EBF4: variants seen among roughly 807,000 people sequenced by gnomAD.
EBF4 encodes the protein EBF transcription factor 4.
In EBF4, 34 loss-of-function variants were observed where a neutral mutation model predicts 67.1. The observed-to-expected ratio is 0.51, with a 90% CI of 0.39 to 0.67. EBF4 has a LOEUF of 0.67. EBF4 is among the 30% of genes least tolerant of loss of function. EBF4 has a pLI of 0.00. For missense variants in EBF4, 837 were observed against 873.3 expected, an observed-to-expected ratio of 0.96 and a Z score of 0.52; for synonymous variants, 387 against 377.7, an observed-to-expected ratio of 1.02 and a Z score of -0.29.
rs1466418426 is a variant in EBF4 at position 2,749,658 on chromosome 20, G to A, written c.796G>A (p.Gly266Ser). 1.3e-6 allele frequency: 2 copies of A among 1,567,452 alleles called. No individual in the cohort carries two copies. The highest frequency in any genetic ancestry group is 1.7e-6 in the Non-Finnish European group (2 of 1,156,944). ...CATCAAGGCCATCAGCCCCGGGGAG[G>A]GCTGGACCACGGGCGGCGCCACCGT... Residue 266 changes from glycine to serine, a missense_variant, in exon 9 of 17, where the codon GGC (glycine) becomes AGC (serine). This residue lies in a region of EBF4 where 525 missense variants were observed against 496.5 expected (regional missense o/e 1.06). Coordinates refer to ENST00000609451, the Ensembl canonical transcript of EBF4.
chr20:2,740,764 C>T (rs986060886), intron 6 of EBF4, among the ~76,000 whole-genome samples: 1 of 151,950 alleles, frequency 6.6e-6, no homozygotes, highest in African/African-American at 2.4e-5. Context: ...GAGGTGGTCT[C>T]GGTCGGAGTC....
At chr20:2,743,516 T>C (rs1285653019) in intron 6 of EBF4, among the ~76,000 whole-genome samples, 3 of 152,214 alleles carry the variant, frequency 2.0e-5, no homozygotes, top group African/African-American at 4.8e-5. Flanking sequence ...CTATAACTTA[T>C]TGATGAGGGA....
At chr20:2,701,741 G>T (rs148100310) in intron 1 of EBF4, among the ~76,000 whole-genome samples, 3 of 152,208 alleles carry the variant, frequency 2.0e-5, no homozygotes, top group African/African-American at 7.2e-5. Context: ...GAGCCTTCCA[G>T]GCCCCTTCGC....
intron 1 of EBF4, among the ~76,000 whole-genome samples, chr20:2,703,669 A>G (rs1374937812): frequency 6.6e-6 from 1 of 152,110 alleles, no homozygotes; most frequent in East Asian, 1.9e-4. Flanking sequence ...CCTTGAAGAA[A>G]AAAAGGCGGG....
chr20:2,709,871 TC>T (rs1361532408), intron 6 of EBF4, among the ~76,000 whole-genome samples: 4 of 127,096 alleles, frequency 3.1e-5, no homozygotes, highest in Non-Finnish European at 4.8e-5. Context: ...TTTCCCCGAC[TC>T]CCTGAGAGAA....
intron 6 of EBF4, among the ~76,000 whole-genome samples, chr20:2,740,070 T>A (rs1330304432): frequency 6.6e-6 from 1 of 152,242 alleles, no homozygotes; most frequent in Non-Finnish European, 1.5e-5. Context: ...TCCAGCACTT[T>A]GGGAGGCCAA....
intron 1 of EBF4, among the ~76,000 whole-genome samples, chr20:2,704,250 C>A (rs1214806546): frequency 1.3e-5 from 2 of 152,094 alleles, no homozygotes; most frequent in Middle Eastern, 3.2e-3. Flanking sequence ...ATGCAGAGCA[C>A]CAGCCCTAGC....
intron 1 of EBF4, among the ~76,000 whole-genome samples, chr20:2,700,358 T>C (rs2146369743): frequency 6.6e-6 from 1 of 152,308 alleles, no homozygotes; most frequent in Admixed American, 6.5e-5. Flanking sequence ...CTCTCCAGGC[T>C]TCAGAGGCTC....
chr20:2,755,731 G>A lies in EBF4; in HGVS notation c.1645G>A (p.Ala549Thr), dbSNP rs2088232712. The stretch of plus-strand genomic sequence containing the variant: ...CTTCTCGCCTGTCAACATGATCTCC[G>A]CCGTCAAACAGAGGAGCGCCTTCGC... The change falls in exon 15 of 17, where the codon GCC (alanine) becomes ACC (threonine). Residue 549 changes from alanine (A) to threonine (T), a missense_variant. Ala to Thr is a moderately conservative substitution (Grantham distance 58, BLOSUM62 0). Coordinates refer to ENST00000609451, the Ensembl canonical transcript of EBF4. The surrounding 1 kb of genome is among the most constrained non-coding windows in gnomAD (Gnocchi z 4.7). The A allele has an allele frequency of 3.9e-6, 6 of 1,550,510 alleles. No homozygotes were observed. Among genetic ancestry groups the A allele is most frequent in the South Asian group, 1.2e-5 (1 of 84,044 alleles).
chr20:2,693,066 GGCT>G (rs1394355074), upstream of EBF4: 4 of 156,072 alleles, frequency 2.6e-5, no homozygotes, highest in South Asian at 3.4e-4. The surrounding 1 kb of genome is among the most constrained non-coding windows in gnomAD (Gnocchi z 4.6). Context: ...CGGGACGCGC[GGCT>G]GCTGCTGCTC....
rs57405059 is a variant in EBF4, at chr20:2,747,317, C to CAAAA, written c.558-1222_558-1219dup. 7.1e-5 allele frequency among the ~76,000 whole-genome samples: 9 copies of CAAAA among 127,396 alleles called. No homozygotes were observed. The highest frequency in any genetic ancestry group is 2.5e-4 in the South Asian group (1 of 4,014). 83.6% of individuals were successfully genotyped at this position (127,396 alleles called of 152,430 possible). ...GTCTCAAAACAAAAAACAAAACAAACAAAAAAAAAAAAACAGGAAAAAAAA... is the reference window on the plus strand; with the variant it reads ...GTCTCAAAACAAAAAACAAAACAAACAAAAAAAAAAAAAAAAACAGGAAAAAAAA... On this transcript the variant is annotated intron_variant, in intron 6 of 16. Transcript: ENST00000609451. The surrounding 1 kb of genome is among the most constrained non-coding windows in gnomAD (Gnocchi z 4.6).
chr20:2,706,981 A>C (rs1190956971), intron 4 of EBF4, among the ~76,000 whole-genome samples: 1 of 152,220 alleles, frequency 6.6e-6, no homozygotes, highest in Non-Finnish European at 1.5e-5. Context: ...TTCTGCCAAC[A>C]CAGGGCCCCA....
intron 6 of EBF4, among the ~76,000 whole-genome samples, chr20:2,716,881 T>C (rs952695271): frequency 1.3e-5 from 2 of 152,218 alleles, no homozygotes. Flanking sequence ...ACTATATCTG[T>C]ATAATACCAA....
intron 6 of EBF4, among the ~76,000 whole-genome samples, chr20:2,714,775 T>C (rs927619389): frequency 1.3e-5 from 2 of 152,244 alleles, no homozygotes; most frequent in Non-Finnish European, 2.9e-5. Flanking sequence ...ACTTTGCCTA[T>C]GGTGAAATTT....
intron 6 of EBF4, among the ~76,000 whole-genome samples, chr20:2,738,364 C>T (rs1454447091): frequency 6.6e-6 from 1 of 152,158 alleles, no homozygotes. Context: ...CTTCTGCTGC[C>T]GTCCATGCCC....
At chr20:2,737,143 G>T (rs374957346) in intron 6 of EBF4, among the ~76,000 whole-genome samples, 2 of 151,676 alleles carry the variant, frequency 1.3e-5, no homozygotes, top group Non-Finnish European at 2.9e-5. Flanking sequence ...CCAGCTACTC[G>T]GGAGGCTGAG....
At chr20:2,742,333 C>T (rs1009592454) in intron 6 of EBF4, among the ~76,000 whole-genome samples, 3 of 152,192 alleles carry the variant, frequency 2.0e-5, no homozygotes, top group Admixed American at 6.5e-5. Context: ...AACTCAGCAG[C>T]GTTCTGGGCA....
In EBF4 at chr20:2,755,622, C is replaced by CCCA; in HGVS notation, c.1541-5_1541-4insCCA. 6.9e-7 allele frequency: 1 copy of CCCA among 1,439,302 alleles called. No individual in the cohort carries two copies. The highest frequency in any genetic ancestry group is 9.5e-7 in the Non-Finnish European group (1 of 1,050,342). 89.2% of individuals were successfully genotyped at this position (1,439,302 alleles called of 1,614,324 possible). On this transcript the variant is annotated splice_polypyrimidine_tract_variant and splice_region_variant and intron_variant, in intron 14 of 16. Transcript: ENST00000609451. The surrounding 1 kb of genome is among the most constrained non-coding windows in gnomAD (Gnocchi z 4.7). ...GCGCCTGCCCCTCCCCGCCCCGCCC[C>CCCA]GGAGTCATGCCCTCTAGCCCCCCGC...
rs2088110198 is a variant in EBF4 at position 2,749,734 on chromosome 20, A to ACGTG, written c.874_877dup (p.Leu293ArgfsTer56). The ACGTG allele has an allele frequency of 6.5e-7, 1 of 1,548,102 alleles. No individual in the cohort carries two copies. Among genetic ancestry groups the ACGTG allele is most frequent in the Non-Finnish European group, 8.7e-7 (1 of 1,145,574 alleles). On this transcript the variant is annotated frameshift_variant, in exon 9 of 17. Coordinates refer to ENST00000609451, the Ensembl canonical transcript of EBF4. LOFTEE classifies it high-confidence loss of function. ...GACGGGTTGCAGGTCGTGTTCGGAA[A>ACGTG]CGTGCTCGTGTGGAGCGAGGTGGGC... is the stretch of plus-strand genomic sequence containing the variant.
Sources: allele counts gnomAD v4.1 joint callset (sites outside exome capture counted in the v4.1 genomes callset), GRCh38; gene constraint gnomAD v4.1.1; regional missense constraint gnomAD v4.1.1; non-coding constraint Gnocchi (gnomAD v3.1); transcripts MANE v1.5; gene names NCBI Gene and HGNC (gene_info 2026-07-23, HGNC 2026-07-21).